Variants in UPB1 observed in about 807,000 individuals in gnomAD.
UPB1 encodes the protein beta-ureidopropionase.
In UPB1, 40 loss-of-function variants were observed where a neutral mutation model predicts 49.1. That is an observed-to-expected ratio of 0.81 (90% CI 0.63 to 1.06). UPB1 has a LOEUF of 1.06. Ranked by LOEUF, UPB1 falls within the 50% of genes least tolerant of loss-of-function variation. The pLI is 0.00. For synonymous variants in UPB1, 207 were observed against 198.2 expected, an observed-to-expected ratio of 1.04 and a Z score of -0.38; for missense variants, 499 against 505.9, an observed-to-expected ratio of 0.99 and a Z score of 0.13.
intron 1 of UPB1, 45 bp from the exon 2 acceptor site, chr22:24,500,062 A>G: frequency 1.2e-6 from 2 of 1,612,764 alleles, no homozygotes; most frequent in East Asian, 4.5e-5. Context: ...TAAGTGGAGC[A>G]GACTGCATCA....
chr22:24,507,633 C>A (rs944885272), intron 3 of UPB1, among the ~76,000 whole-genome samples: 9 of 152,156 alleles, frequency 5.9e-5, no homozygotes, highest in Admixed American at 3.3e-4. Flanking sequence ...TAAGAAGCAA[C>A]TCCTGAACCA....
rs532463790 is a variant in UPB1 at position 24,524,113 on chromosome 22, A to G, written c.1071+340A>G. Among the ~76,000 whole-genome samples, 5 of 152,368 alleles carry G rather than the reference A, an allele frequency of 3.3e-5. No individual in the cohort carries two copies. In the South Asian group the frequency reaches 1.0e-3, roughly 32 times the overall value. ...TCCTTTCCAGGCATTTGCACTTATCACAAGATAAATATGCATGTCTGGTTC... is the reference window on the plus strand; with the variant it reads ...TCCTTTCCAGGCATTTGCACTTATCGCAAGATAAATATGCATGTCTGGTTC... On this transcript the variant is annotated intron_variant, in intron 9 of 9. Transcript: ENST00000326010.
At position 24,513,390 on chromosome 22, in the gene UPB1, G is replaced by A. The variant is rs1201519119; in HGVS notation, c.526G>A (p.Val176Ile). 1 of 1,614,224 alleles carries A rather than the reference G, an allele frequency of 6.2e-7. No individual in the cohort carries two copies. The highest frequency in any genetic ancestry group is 8.5e-7 in the Non-Finnish European group (1 of 1,180,040). The change falls in exon 5 of 10, where the codon GTT becomes ATT. Residue 176 changes from valine (V) to isoleucine (I), a missense_variant. Coordinates refer to ENST00000326010, the MANE Select transcript of UPB1 (RefSeq NM_016327.3). ...GGAACGAGACAGCGAGCATGGGGAT[G>A]TTTTGTGGAATACAGCCGTGGTGAT... The part of the protein sequence containing the change: ...ILERDSEHGD[V>I]LWNTAVVISN...
At chr22:24,498,211 C>G (rs1053811442) in intron 1 of UPB1, among the ~76,000 whole-genome samples, 2 of 152,204 alleles carry the variant, frequency 1.3e-5, no homozygotes, top group Non-Finnish European at 2.9e-5. Flanking sequence ...ATGACCTAAT[C>G]ACCTCTGAAA....
chr22:24,523,300 G>A (rs1431568791), intron 8 of UPB1, among the ~76,000 whole-genome samples: 1 of 152,194 alleles, frequency 6.6e-6, no homozygotes, highest in African/African-American at 2.4e-5. Context: ...CTCACTGTGA[G>A]GGCCCCCATA....
intron 6 of UPB1, among the ~76,000 whole-genome samples, chr22:24,515,717 T>C (rs2044282716): frequency 6.6e-6 from 1 of 152,240 alleles, no homozygotes. Context: ...GGCTCACACC[T>C]GTAATCCCAG....
Position 24,515,358 on chromosome 22 carries a change from TAGGAGCACTC to T in UPB1, c.783_791+1del, listed in dbSNP as rs1568991419. On this transcript the variant is annotated frameshift_variant and splice_region_variant, in exon 6 of 10. Coordinates refer to ENST00000326010, the MANE Select transcript of UPB1 (RefSeq NM_016327.3). LOFTEE classifies it high-confidence loss of function. Reference sequence around the variant, plus strand: ...ATCATCTTCAACCCCTCGGCCACGATAGGAGCACTCAGGTCACTCAGTTGGTGGGGTCTGG... The same window carrying T: ...ATCATCTTCAACCCCTCGGCCACGATAGGTCACTCAGTTGGTGGGGTCTGG... 6.2e-7 allele frequency: 1 copy of T among 1,614,076 alleles called. No individual in the cohort carries two copies. Among genetic ancestry groups the T allele is most frequent in the African/African-American group, 1.3e-5 (1 of 75,026 alleles).
intron 9 of UPB1, among the ~76,000 whole-genome samples, chr22:24,524,564 C>T (rs1347898779): frequency 6.6e-6 from 1 of 152,190 alleles, no homozygotes; most frequent in East Asian, 1.9e-4. Flanking sequence ...TAGATCATGG[C>T]AGCCTTGACC....
intron 8 of UPB1, among the ~76,000 whole-genome samples, chr22:24,522,508 C>A (rs573640251): frequency 6.6e-6 from 1 of 152,200 alleles, no homozygotes; most frequent in African/African-American, 2.4e-5. Flanking sequence ...TGCTAAGAAC[C>A]CTAAAGACTC....
chr22:24,519,931 G>A (rs1244015347), intron 6 of UPB1: 1 of 278,098 alleles, frequency 3.6e-6, no homozygotes, highest in African/African-American at 2.2e-5. Flanking sequence ...AGCCCAGCAG[G>A]TGGGTTCCAG....
rs183410007 is a variant in UPB1 at position 24,526,278 on chromosome 22, A to G, written c.*484A>G. ...ACAGTCACCAGTAATTCAATCAGAC[A>G]CTAATCTAGGTATTTCTGTGAAGGT... On this transcript the variant is annotated 3_prime_UTR_variant, in exon 10 of 10. Transcript: ENST00000326010. The G allele has an allele frequency of 7.8e-5, 19 of 242,866 alleles. No homozygotes were observed. In the Admixed American group the frequency reaches 9.8e-4, roughly 12 times the overall value. The allele number at this position is 242,866 out of a possible 1,614,324, so 15.0% of individuals were successfully genotyped here. A position where few individuals can be genotyped will look rare whatever the true frequency, so the allele number is the denominator to read the frequency against.
At chr22:24,519,545 G>A (rs2044352023) in intron 6 of UPB1, among the ~76,000 whole-genome samples, 2 of 152,294 alleles carry the variant, frequency 1.3e-5, no homozygotes, top group South Asian at 4.1e-4. Context: ...CTGAAGTGAG[G>A]AAGGCCCACA....
At chr22:24,496,418 C>T (rs147606420) in intron 1 of UPB1, among the ~76,000 whole-genome samples, 4,458 of 149,704 alleles carry the variant, frequency 0.03, 228 homozygotes, top group African/African-American at 0.1. Context: ...CACACACACA[C>T]ACACACACGT....
intron 6 of UPB1, among the ~76,000 whole-genome samples, chr22:24,517,579 C>A (rs545257338): frequency 1.3e-5 from 2 of 152,330 alleles, no homozygotes; most frequent in Non-Finnish European, 2.9e-5. Flanking sequence ...CCCTCCCTGA[C>A]CCTCCTATCT....
chr22:24,513,730 C>T (rs930681596), intron 5 of UPB1, among the ~76,000 whole-genome samples: 1 of 152,172 alleles, frequency 6.6e-6, no homozygotes, highest in Non-Finnish European at 1.5e-5. Flanking sequence ...CACAATGGGG[C>T]ATATATTTTT....
At position 24,500,101 on chromosome 22, in the gene UPB1, A is replaced by T; in HGVS notation, c.105-6A>T. 1.2e-6 allele frequency: 2 copies of T among 1,614,024 alleles called. No individual in the cohort carries two copies. Among genetic ancestry groups the T allele is most frequent in the Non-Finnish European group, 1.7e-6 (2 of 1,179,982 alleles). On this transcript the variant is annotated splice_polypyrimidine_tract_variant and splice_region_variant and intron_variant, in intron 1 of 9. Transcript: ENST00000326010. ...TCCCCTTCCCTCTTTTTTCCTGCCC[A>T]TCTAGGAAGCTTGATCTGCCCAGGG...
intron 8 of UPB1, among the ~76,000 whole-genome samples, chr22:24,523,248 G>A (rs2044427133): frequency 6.6e-6 from 1 of 152,216 alleles, no homozygotes; most frequent in Admixed American, 6.5e-5. Context: ...GGGAGGATAA[G>A]GGTGACGCAG....
chr22:24,499,393 A>G (rs2043948769), intron 1 of UPB1, among the ~76,000 whole-genome samples: 1 of 152,106 alleles, frequency 6.6e-6, no homozygotes, highest in South Asian at 2.1e-4. Context: ...CGGGTGTGCA[A>G]CAGGTATCAG....
At chr22:24,513,688 G>A (rs1334577729) in intron 5 of UPB1, among the ~76,000 whole-genome samples, 2 of 152,172 alleles carry the variant, frequency 1.3e-5, no homozygotes, top group African/African-American at 4.8e-5. Flanking sequence ...GGATTCAGGC[G>A]GGACTCTCAG....
Sources: allele counts gnomAD v4.1 joint callset (sites outside exome capture counted in the v4.1 genomes callset), GRCh38; gene constraint gnomAD v4.1.1; transcripts MANE v1.5; gene names NCBI Gene and HGNC (gene_info 2026-07-23, HGNC 2026-07-21).